Variants in TMPO observed in about 807,000 individuals in gnomAD.
The protein encoded by TMPO is thymopoietin, also known as LEM domain containing 4.
A neutral mutation model predicts 45.4 loss-of-function variants in TMPO; 22 were observed. The observed-to-expected ratio is 0.48, with a 90% CI of 0.35 to 0.69. The LOEUF is 0.69. TMPO is among the 30% of genes least tolerant of loss of function. TMPO has a pLI of 0.01. For synonymous variants in TMPO, 241 were observed against 204.1 expected, an observed-to-expected ratio of 1.18 and a Z score of -1.54; for missense variants, 512 against 548.8, an observed-to-expected ratio of 0.93 and a Z score of 0.67.
In TMPO at chr12:98,515,625, G is replaced by C. The variant is rs1875713762; in HGVS notation, c.-243G>C. 1.4e-6 allele frequency: 1 copy of C among 690,540 alleles called. No individual in the cohort carries two copies. Among genetic ancestry groups the C allele is most frequent in the South Asian group, 1.9e-5 (1 of 53,000 alleles). 42.8% of individuals were successfully genotyped at this position (690,540 alleles called of 1,614,324 possible). On this transcript the variant is annotated 5_prime_UTR_variant, in exon 1 of 9. Transcript: ENST00000556029. The stretch of plus-strand genomic sequence containing the variant: ...GCTCGCCTCCTGCCTGTAGTGTGTG[G>C]GCTGGGGTTGGTGCGAGCTTCCAGC...
At chr12:98,516,233 G>A in intron 1 of TMPO, 87 bp downstream of exon 1, 1 of 1,306,088 alleles carries the variant, frequency 7.7e-7, no homozygotes, top group Middle Eastern at 2.9e-4. Flanking sequence ...TCCCTCCCGG[G>A]CGCCCCCTCG....
In TMPO at chr12:98,524,819, C is replaced by A. The variant is rs367722600; in HGVS notation, c.280-3067C>A. Among the ~76,000 whole-genome samples the A allele has an allele frequency of 1.6e-4, 24 of 152,204 alleles. No individual in the cohort carries two copies. The East Asian group carries it at 2.5e-3, about 16-fold the overall frequency. Reference sequence around the variant, plus strand: ...GTGTTGGCCATGCTGGTCTCGAACTCCTGACTTCAAGTGATCCACCCACCT... The same window carrying A: ...GTGTTGGCCATGCTGGTCTCGAACTACTGACTTCAAGTGATCCACCCACCT... On this transcript the variant is annotated intron_variant, in intron 1 of 8. Coordinates refer to ENST00000556029, the MANE Select transcript of TMPO (RefSeq NM_001032283.3).
intron 1 of TMPO, among the ~76,000 whole-genome samples, chr12:98,520,272 C>CCCTCCCTTCCTTCCTTCCTTCCTTCCTT (rs1555202281): frequency 1.9e-5 from 2 of 107,206 alleles, no homozygotes; most frequent in African/African-American, 7.9e-5. Flanking sequence ...CCATATTTTT[C>CCCTCCCTTCCTTCCTTCCTTCCTTCCTT]CCTTCCTTCC....
chr12:98,527,786 C>A, intron 1 of TMPO, 100 bp from the exon 2 acceptor site: 1 of 1,405,382 alleles, frequency 7.1e-7, no homozygotes, highest in African/African-American at 1.4e-5. Flanking sequence ...TACTATAAAC[C>A]AATTTGGTAG....
intron 4 of TMPO, among the ~76,000 whole-genome samples, chr12:98,543,134 AC>A (rs1878022778): frequency 6.6e-6 from 1 of 151,952 alleles, no homozygotes; most frequent in Non-Finnish European, 1.5e-5. Context: ...TTGGATGACC[AC>A]TCCTGTCACA....
Position 98,548,006 on chromosome 12 carries a change from T to C in TMPO, c.*148T>C, listed in dbSNP as rs576941099. The C allele has an allele frequency of 1.1e-6, 1 of 887,676 alleles. No individual in the cohort carries two copies. Among genetic ancestry groups the C allele is most frequent in the East Asian group, 2.6e-5 (1 of 39,078 alleles). 55.0% of individuals were successfully genotyped at this position (887,676 alleles called of 1,614,324 possible). On this transcript the variant is annotated 3_prime_UTR_variant, in exon 9 of 9. Coordinates refer to ENST00000556029, the MANE Select transcript of TMPO (RefSeq NM_001032283.3). ...ATTTCATTGAAAAGCAAACAAAATA[T>C]ATATAAATGGACTTCATTAAAATGT...
At chr12:98,530,756 T>C (rs1436394996) in intron 2 of TMPO, among the ~76,000 whole-genome samples, 1 of 152,212 alleles carries the variant, frequency 6.6e-6, no homozygotes, top group Non-Finnish European at 1.5e-5. Context: ...ATCATAGTTA[T>C]TTTTCATAGA....
At chr12:98,516,310 G>A in intron 1 of TMPO, 164 bp downstream of exon 1, 9 of 1,232,260 alleles carry the variant, frequency 7.3e-6, no homozygotes, top group Non-Finnish European at 9.1e-6. Context: ...GGCTGCAGGC[G>A]CCGGAGCGGA....
At chr12:98,542,546 G>A (rs1877975431) in intron 4 of TMPO, among the ~76,000 whole-genome samples, 1 of 150,812 alleles carries the variant, frequency 6.6e-6, no homozygotes, top group Non-Finnish European at 1.5e-5. Flanking sequence ...TATTCAAATA[G>A]TTGGTAATTT....
intron 4 of TMPO, among the ~76,000 whole-genome samples, chr12:98,543,615 G>A (rs1878054412): frequency 1.3e-5 from 2 of 152,148 alleles, no homozygotes; most frequent in South Asian, 2.1e-4. Flanking sequence ...TGAAAGTGAC[G>A]TTAGGCTTGC....
intron 3 of TMPO, chr12:98,534,521 G>C (rs1325446122): frequency 3.5e-6 from 5 of 1,409,084 alleles, no homozygotes; most frequent in Non-Finnish European, 3.7e-6. Flanking sequence ...CTTTTCTAAA[G>C]ATTTGCGTAG....
intron 1 of TMPO, among the ~76,000 whole-genome samples, chr12:98,526,819 G>A (rs1352757198): frequency 2.6e-5 from 4 of 152,062 alleles, no homozygotes; most frequent in South Asian, 2.1e-4. Context: ...TTAGCTGGGC[G>A]TGGTGGCGCA....
chr12:98,527,338 A>C (rs1876844306), intron 1 of TMPO, among the ~76,000 whole-genome samples: 4 of 33,986 alleles, frequency 1.2e-4, no homozygotes, highest in Non-Finnish European at 3.0e-4. Flanking sequence ...ATCTCTACAA[A>C]AAAAAAAAAA....
In TMPO at chr12:98,515,892, T is replaced by G. The variant is rs765836311; in HGVS notation, c.25T>G (p.Ser9Ala). The change falls in exon 1 of 9, where the codon TCG becomes GCG. Residue 9 changes from serine (S) to alanine (A), a missense_variant. Physicochemically the swap from Ser to Ala is moderately conservative, Grantham distance 99 (BLOSUM62 1). Transcript: ENST00000556029. ...GATGCCGGAGTTCCTGGAAGACCCCTCGGTCCTGACAAAAGACAAGTTGAA... is the reference window on the plus strand; with the variant it reads ...GATGCCGGAGTTCCTGGAAGACCCCGCGGTCCTGACAAAAGACAAGTTGAA... The part of the protein sequence containing the change: MPEFLEDP[S>A]VLTKDKLKSE... 2 of 1,613,648 alleles carry G rather than the reference T, an allele frequency of 1.2e-6. No homozygotes were observed. The highest frequency in any genetic ancestry group is 2.2e-5 in the South Asian group (2 of 91,076).
chr12:98,530,066 G>T (rs1386063713), intron 2 of TMPO, among the ~76,000 whole-genome samples: 3 of 152,106 alleles, frequency 2.0e-5, no homozygotes, highest in Non-Finnish European at 4.4e-5. Flanking sequence ...GCCTGGGCAT[G>T]GTAGTTCATG....
Position 98,539,172 on chromosome 12 carries a change from C to T in TMPO, c.663+1600C>T, listed in dbSNP as rs1008663225. ...CCGAGATCGCGCCATTGCACTCTAG[C>T]CTGGGCAACAAGAGCGAAACTCTGT... On this transcript the variant is annotated intron_variant, in intron 4 of 8. Coordinates refer to ENST00000556029, the MANE Select transcript of TMPO (RefSeq NM_001032283.3). Among the ~76,000 whole-genome samples, 3 of 151,802 alleles carry T rather than the reference C, an allele frequency of 2.0e-5. No homozygotes were observed. The South Asian group carries it at 6.2e-4, about 32-fold the overall frequency.
intron 1 of TMPO, chr12:98,527,657 C>T (rs1592938874): frequency 2.1e-6 from 1 of 478,646 alleles, no homozygotes. Flanking sequence ...ACTATTTTAA[C>T]AACAATGTCT....
intron 1 of TMPO, among the ~76,000 whole-genome samples, chr12:98,519,648 A>G (rs1459093398): frequency 1.3e-5 from 2 of 152,194 alleles, no homozygotes; most frequent in Non-Finnish European, 2.9e-5. Flanking sequence ...TTAAAACTCA[A>G]GAGGTGTTTA....
At chr12:98,537,407 ATAT>A in intron 3 of TMPO, 65 bp from the exon 4 acceptor site, 1 of 1,334,170 alleles carries the variant, frequency 7.5e-7, no homozygotes, top group Non-Finnish European at 1.1e-6. Flanking sequence ...TTCCCGATTA[ATAT>A]TAGGATAACA....
Sources: gnomAD v4.1 joint callset for allele counts (sites outside exome capture counted in the v4.1 genomes callset) on GRCh38, gnomAD v4.1.1 for gene constraint, MANE v1.5 for transcripts, NCBI Gene and HGNC (gene_info 2026-07-23, HGNC 2026-07-21) for gene names.